FMNL2: variants seen among roughly 807,000 people sequenced by gnomAD.
FMNL2 encodes formin like 2, also known as formin-like protein 2.
In FMNL2, 51 loss-of-function variants were observed where a neutral mutation model predicts 130.2. The ratio of observed to expected loss-of-function variants is 0.39; its 90% confidence interval spans 0.31 to 0.49. FMNL2 has a LOEUF of 0.49. Ranked by LOEUF, FMNL2 falls within the 20% of genes least tolerant of loss-of-function variation. The pLI is 0.85. For missense variants in FMNL2, 977 were observed against 1,316.2 expected, an observed-to-expected ratio of 0.74 and a Z score of 3.99; for synonymous variants, 465 against 467.1, an observed-to-expected ratio of 1.00 and a Z score of 0.06.
intron 1 of FMNL2, among the ~76,000 whole-genome samples, chr2:152,362,782 A>T (rs1410440457): frequency 6.6e-6 from 1 of 152,240 alleles, no homozygotes; most frequent in African/African-American, 2.4e-5. Flanking sequence ...CTTCAAAATC[A>T]GGAGTCCCAG....
intron 6 of FMNL2, among the ~76,000 whole-genome samples, chr2:152,569,336 C>T (rs952169165): frequency 4.6e-5 from 7 of 152,030 alleles, no homozygotes; most frequent in Non-Finnish European, 7.4e-5. Flanking sequence ...ACTCAGGTTT[C>T]GCTTGCTGGT....
At chr2:152,642,301 C>T (rs1420202595) in intron 25 of FMNL2, among the ~76,000 whole-genome samples, 1 of 152,106 alleles carries the variant, frequency 6.6e-6, no homozygotes, top group Non-Finnish European at 1.5e-5. Flanking sequence ...TGGTCAAAAC[C>T]ACAAATTTTT....
At chr2:152,337,388 GCT>G (rs1681533927) in intron 1 of FMNL2, among the ~76,000 whole-genome samples, 2 of 121,346 alleles carry the variant, frequency 1.6e-5, no homozygotes, top group Admixed American at 8.7e-5. Flanking sequence ...ATGCTGTGGT[GCT>G]CTGTGTGTGT....
At chr2:152,478,109 G>A (rs1690256896) in intron 1 of FMNL2, among the ~76,000 whole-genome samples, 1 of 151,660 alleles carries the variant, frequency 6.6e-6, no homozygotes, top group Non-Finnish European at 1.5e-5. Flanking sequence ...ATAGTTAAAA[G>A]CCAAACACTG....
At chr2:152,631,929 T>A in intron 20 of FMNL2, 79 bp from the exon 21 acceptor site, 1 of 1,468,460 alleles carries the variant, frequency 6.8e-7, no homozygotes, top group East Asian at 2.4e-5. Context: ...TGACTCTGGG[T>A]GGGAAATCGT....
At chr2:152,379,897 TGAAAGCTATA>T (rs1684369364) in intron 1 of FMNL2, among the ~76,000 whole-genome samples, 1 of 152,208 alleles carries the variant, frequency 6.6e-6, no homozygotes, top group East Asian at 1.9e-4. Context: ...AAAATAGTAG[TGAAAGCTATA>T]GAAAGCTGTA....
intron 2 of FMNL2, among the ~76,000 whole-genome samples, chr2:152,542,174 C>G (rs576759827): frequency 6.6e-6 from 1 of 152,090 alleles, no homozygotes; most frequent in Non-Finnish European, 1.5e-5. Flanking sequence ...CCATTCATGT[C>G]GGCACACACA....
intron 1 of FMNL2, among the ~76,000 whole-genome samples, chr2:152,520,954 GACT>G (rs1693055871): frequency 6.6e-6 from 1 of 152,142 alleles, no homozygotes. Flanking sequence ...CCAGATAAGG[GACT>G]ACATTGTTTA....
At chr2:152,615,389 C>T (rs540648221) in intron 12 of FMNL2, among the ~76,000 whole-genome samples, 1 of 152,114 alleles carries the variant, frequency 6.6e-6, no homozygotes, top group Non-Finnish European at 1.5e-5. Context: ...CACACAAACC[C>T]ATGGACAGGA....
intron 1 of FMNL2, among the ~76,000 whole-genome samples, chr2:152,460,140 G>A (rs1188250525): frequency 1.3e-5 from 2 of 152,128 alleles, no homozygotes; most frequent in Non-Finnish European, 2.9e-5. Flanking sequence ...TTCGCAGTGG[G>A]CTCATTTATA....
intron 1 of FMNL2, among the ~76,000 whole-genome samples, chr2:152,460,571 C>T (rs557831537): frequency 3.8e-4 from 58 of 152,330 alleles, no homozygotes; most frequent in Non-Finnish European, 6.6e-4. Flanking sequence ...GGTCCCCAAC[C>T]CCCGGGCCAC....
At position 152,407,149 on chromosome 2, in the gene FMNL2, T is replaced by C. The variant is rs115255561; in HGVS notation, c.117+71429T>C. Among the ~76,000 whole-genome samples, 846 of 152,138 alleles carry C rather than the reference T, an allele frequency of 5.6e-3. 6 individuals carry two copies. Among genetic ancestry groups the C allele is most frequent in the African/African-American group, 0.019 (795 of 41,502 alleles). Reference sequence around the variant, plus strand: ...TTTGTCATTATACTTATGTTGATGTTAAATTAACATCTTAAAGAACTCTAA... The same window carrying C: ...TTTGTCATTATACTTATGTTGATGTCAAATTAACATCTTAAAGAACTCTAA... On this transcript the variant is annotated intron_variant, in intron 1 of 25. Coordinates refer to ENST00000288670, the MANE Select transcript of FMNL2 (RefSeq NM_052905.4).
chr2:152,597,122 T>C (rs2105801646), intron 9 of FMNL2, among the ~76,000 whole-genome samples: 1 of 152,352 alleles, frequency 6.6e-6, no homozygotes, highest in African/African-American at 2.4e-5. Flanking sequence ...CCAATCTCAT[T>C]AGAAAATTCT....
intron 1 of FMNL2, among the ~76,000 whole-genome samples, chr2:152,489,197 T>C (rs963353289): frequency 6.6e-6 from 1 of 150,800 alleles, no homozygotes; most frequent in East Asian, 1.9e-4. Flanking sequence ...TGGGGAAGAA[T>C]TGAGGTTAGC....
At chr2:152,482,223 A>T (rs1037325582) in intron 1 of FMNL2, among the ~76,000 whole-genome samples, 6 of 152,244 alleles carry the variant, frequency 3.9e-5, no homozygotes, top group Non-Finnish European at 8.8e-5. Context: ...TTAAATTAAA[A>T]AATACTTAAG....
intron 1 of FMNL2, among the ~76,000 whole-genome samples, chr2:152,429,700 AT>A (rs1219650159): frequency 6.6e-6 from 1 of 151,160 alleles, no homozygotes; most frequent in African/African-American, 2.4e-5. Context: ...TTCTTTTTTA[AT>A]TTCTAAGTTT....
At chr2:152,367,073 G>GTGTTTTTTTTT (rs1553869242) in intron 1 of FMNL2, among the ~76,000 whole-genome samples, 1 of 88,184 alleles carries the variant, frequency 1.1e-5, no homozygotes. Flanking sequence ...GTGTGTGTGT[G>GTGTTTTTTTTT]TTTGTTTTTT....
chr2:152,535,986 G>A (rs1693977076), intron 2 of FMNL2, among the ~76,000 whole-genome samples: 1 of 152,198 alleles, frequency 6.6e-6, no homozygotes, highest in East Asian at 1.9e-4. Context: ...GCATTCTTTT[G>A]GGGACTTTGG....
Position 152,521,963 on chromosome 2 carries a change from T to G in FMNL2, c.138T>G (p.Pro46=), listed in dbSNP as rs777140418. Residue 46 remains proline (P), a synonymous_variant, in exon 2 of 26, where the codon CCT becomes CCG. Transcript: ENST00000288670. ...AIVLNAMNLP[P]DKARLLRQYD... ...AACAGAATGCTATGAACCTACCTCC[T>G]GACAAAGCCAGGTTACTGCGGCAGT... The G allele has an allele frequency of 1.2e-5, 20 of 1,612,946 alleles. No individual in the cohort carries two copies. Among genetic ancestry groups the G allele is most frequent in the Non-Finnish European group, 1.7e-5 (20 of 1,179,504 alleles).
Sources: gnomAD v4.1 joint callset for allele counts (sites outside exome capture counted in the v4.1 genomes callset) on GRCh38, gnomAD v4.1.1 for gene constraint, MANE v1.5 for transcripts, NCBI Gene and HGNC (gene_info 2026-07-23, HGNC 2026-07-21) for gene names.